The following NKAIN3 variants were observed in gnomAD, a reference collection of about 807,000 sequenced individuals.
NKAIN3 encodes the protein sodium/potassium-transporting ATPase subunit beta-1-interacting protein 3.
A neutral mutation model predicts 30.2 loss-of-function variants in NKAIN3; 25 were observed. That is an observed-to-expected ratio of 0.83 (90% confidence interval 0.60 to 1.16). The LOEUF (loss-of-function observed/expected upper bound fraction) is 1.16. NKAIN3 is among the 50% of genes most tolerant of loss of function. The pLI is 0.00. For missense variants in NKAIN3, 225 were observed against 254.1 expected, an observed-to-expected ratio of 0.89 and a Z score of 0.78; for synonymous variants, 91 against 89.6, an observed-to-expected ratio of 1.02 and a Z score of -0.09.
intron 3 of NKAIN3, among the ~76,000 whole-genome samples, chr8:62,617,930 C>T (rs1811510047): frequency 6.6e-6 from 1 of 152,176 alleles, no homozygotes; most frequent in Non-Finnish European, 1.5e-5. Flanking sequence ...GACACCAGAA[C>T]TACATAATAC....
At chr8:62,561,483 A>T (rs921913103) in intron 1 of NKAIN3, among the ~76,000 whole-genome samples, 5 of 152,186 alleles carry the variant, frequency 3.3e-5, no homozygotes, top group African/African-American at 1.2e-4. Context: ...ATACCACTTT[A>T]TAAACTCCAC....
intron 4 of NKAIN3, among the ~76,000 whole-genome samples, chr8:62,759,705 T>C (rs1052318006): frequency 5.6e-5 from 8 of 141,738 alleles, no homozygotes; most frequent in East Asian, 2.1e-4. Flanking sequence ...TACATAGGCA[T>C]GGGCAAGGAC....
At chr8:62,936,109 A>G (rs577991172) in intron 5 of NKAIN3, among the ~76,000 whole-genome samples, 7 of 152,248 alleles carry the variant, frequency 4.6e-5, no homozygotes, top group South Asian at 2.1e-4. Context: ...AACCACCGCT[A>G]TTTCCCAAAG....
At position 62,744,333 on chromosome 8, in the gene NKAIN3, A is replaced by G. The variant is rs116026489; in HGVS notation, c.274-2599A>G. On this transcript the variant is annotated intron_variant, in intron 3 of 6. Coordinates refer to ENST00000623646, the MANE Select transcript of NKAIN3 (RefSeq NM_001304533.3). ...TATAGTCATTGTGAGGAATAGTACC[A>G]TTTATAAATATGTTATAGTTCCAAC... Among the ~76,000 whole-genome samples, 810 of 152,344 alleles carry G rather than the reference A, an allele frequency of 5.3e-3. 4 individuals are homozygous for G. Among genetic ancestry groups the G allele is most frequent in the African/African-American group, 0.018 (755 of 41,580 alleles).
At chr8:62,765,835 T>C (rs1323882690) in intron 4 of NKAIN3, among the ~76,000 whole-genome samples, 2 of 152,160 alleles carry the variant, frequency 1.3e-5, no homozygotes, top group African/African-American at 4.8e-5. Flanking sequence ...ACTCAGTATT[T>C]TATATTCCAC....
intron 1 of NKAIN3, among the ~76,000 whole-genome samples, chr8:62,401,157 C>A (rs1368617423): frequency 1.3e-5 from 2 of 152,038 alleles, no homozygotes; most frequent in Non-Finnish European, 2.9e-5. Context: ...TGTGTATTTT[C>A]ACATAGCCTC....
chr8:62,788,443 C>T (rs941176485), intron 4 of NKAIN3, among the ~76,000 whole-genome samples: 4 of 152,086 alleles, frequency 2.6e-5, no homozygotes, highest in Non-Finnish European at 5.9e-5. Context: ...AGCCCTTTGT[C>T]AGATGAGTAG....
intron 3 of NKAIN3, among the ~76,000 whole-genome samples, chr8:62,701,200 A>C (rs1420834304): frequency 1.3e-5 from 2 of 152,194 alleles, no homozygotes. Flanking sequence ...ACTATAATGC[A>C]ATAGATGTTA....
intron 4 of NKAIN3, among the ~76,000 whole-genome samples, chr8:62,868,366 G>A (rs1305519239): frequency 7.0e-6 from 1 of 142,588 alleles, no homozygotes; most frequent in African/African-American, 2.6e-5. Context: ...TTGTGACCTG[G>A]TATTTGCTTC....
At chr8:62,615,632 G>T (rs1811430576) in intron 3 of NKAIN3, among the ~76,000 whole-genome samples, 1 of 152,160 alleles carries the variant, frequency 6.6e-6, no homozygotes, top group African/African-American at 2.4e-5. Flanking sequence ...AGGGAGGTTT[G>T]CAGGCACTCA....
chr8:62,253,646 A>G (rs907927663), intron 1 of NKAIN3, among the ~76,000 whole-genome samples: 1 of 152,242 alleles, frequency 6.6e-6, no homozygotes, highest in Non-Finnish European at 1.5e-5. Context: ...ATTTTTTCTC[A>G]CAGTGGAAAC....
At chr8:62,955,277 AT>A (rs1823391104) in intron 6 of NKAIN3, among the ~76,000 whole-genome samples, 1 of 152,214 alleles carries the variant, frequency 6.6e-6, no homozygotes, top group Non-Finnish European at 1.5e-5. Flanking sequence ...TGGAAAGAAC[AT>A]TCACCCTATA....
At chr8:62,509,378 C>A (rs760137462) in intron 1 of NKAIN3, among the ~76,000 whole-genome samples, 1 of 152,174 alleles carries the variant, frequency 6.6e-6, no homozygotes, top group African/African-American at 2.4e-5. Context: ...GCAAGATATG[C>A]AGCCCTAGTT....
intron 4 of NKAIN3, among the ~76,000 whole-genome samples, chr8:62,827,211 A>G (rs920165543): frequency 3.9e-5 from 6 of 152,226 alleles, no homozygotes; most frequent in African/African-American, 1.4e-4. Context: ...AAGTCTTTAT[A>G]CAGTGCTTTC....
intron 3 of NKAIN3, among the ~76,000 whole-genome samples, chr8:62,735,568 T>A (rs1207919573): frequency 6.6e-6 from 1 of 152,198 alleles, no homozygotes; most frequent in African/African-American, 2.4e-5. Context: ...TTTAAATGTC[T>A]TTAAGTTGGC....
intron 4 of NKAIN3, among the ~76,000 whole-genome samples, chr8:62,823,732 AATTTTCTGACAG>A (rs1168404918): frequency 6.6e-6 from 1 of 152,158 alleles, no homozygotes; most frequent in Non-Finnish European, 1.5e-5. Flanking sequence ...TTAGGGCAAT[AATTTTCTGACAG>A]ATGACTAAGG....
chr8:62,646,934 G>A (rs1384381545), intron 3 of NKAIN3, among the ~76,000 whole-genome samples: 3 of 152,128 alleles, frequency 2.0e-5, no homozygotes, highest in East Asian at 1.9e-4. Context: ...AAGATGACTT[G>A]TGCCCCCAGC....
intron 4 of NKAIN3, among the ~76,000 whole-genome samples, chr8:62,806,543 C>G (rs1818288984): frequency 6.6e-6 from 1 of 152,086 alleles, no homozygotes; most frequent in Non-Finnish European, 1.5e-5. Context: ...TCTCAGTAAA[C>G]TATCAGAAGG....
intron 1 of NKAIN3, among the ~76,000 whole-genome samples, chr8:62,513,576 A>G (rs1458902845): frequency 2.0e-5 from 3 of 152,108 alleles, no homozygotes; most frequent in Non-Finnish European, 4.4e-5. Flanking sequence ...GGCAAAGGAA[A>G]GAGGATTTGT....
Sources: allele counts gnomAD v4.1 joint callset (sites outside exome capture counted in the v4.1 genomes callset), GRCh38; gene constraint gnomAD v4.1.1; transcripts MANE v1.5; gene names NCBI Gene and HGNC (gene_info 2026-07-23, HGNC 2026-07-21).